RBFOX2: variants seen among roughly 807,000 people sequenced by gnomAD.
The protein encoded by RBFOX2 is RNA binding fox-1 homolog 2.
In RBFOX2, 10 loss-of-function variants were observed where a neutral mutation model predicts 49.1. The observed-to-expected ratio is 0.20, with a 90% CI of 0.13 to 0.35. RBFOX2 has a LOEUF of 0.35. RBFOX2 is among the 10% of genes least tolerant of loss of function. RBFOX2 has a pLI of 1.00. For synonymous variants in RBFOX2, 183 were observed against 187.4 expected (o/e 0.98, Z 0.19); for missense variants, 323 against 486.9 (o/e 0.66, Z 3.17).
At chr22:35,822,768 T>C (rs575266894) in intron 1 of RBFOX2, 3 of 417,848 alleles carry the variant, frequency 7.2e-6, no homozygotes, top group Non-Finnish European at 1.4e-5. Flanking sequence ...CCCCAAACAT[T>C]CTGATCAACT....
chr22:35,896,940 T>G (rs2047920227), intron 1 of RBFOX2, among the ~76,000 whole-genome samples: 1 of 152,206 alleles, frequency 6.6e-6, no homozygotes, highest in Non-Finnish European at 1.5e-5. Flanking sequence ...CTCTTTTACA[T>G]GTCCATAATC....
intron 1 of RBFOX2, among the ~76,000 whole-genome samples, chr22:35,956,154 A>T (rs188889230): frequency 5.8e-4 from 88 of 152,316 alleles, no homozygotes; most frequent in Non-Finnish European, 9.7e-4. Flanking sequence ...AGATCTTCCA[A>T]CTGTTGACAC....
intron 1 of RBFOX2, chr22:35,897,581 C>T (rs1397033672): frequency 1.0e-6 from 1 of 971,862 alleles, no homozygotes; most frequent in African/African-American, 1.6e-5. Context: ...TTCACCAGGT[C>T]AAAGAGGAGA....
chr22:35,937,628 T>C (rs996301526), intron 1 of RBFOX2, among the ~76,000 whole-genome samples: 4 of 152,220 alleles, frequency 2.6e-5, no homozygotes, highest in Non-Finnish European at 5.9e-5. Context: ...TCTCGCTCTA[T>C]CACTCAGGCT....
intron 1 of RBFOX2, among the ~76,000 whole-genome samples, chr22:35,816,645 T>G (rs1953119381): frequency 6.6e-6 from 1 of 152,214 alleles, no homozygotes; most frequent in African/African-American, 2.4e-5. Flanking sequence ...GCTTTTCACT[T>G]GGTTGTCTGG....
intron 1 of RBFOX2, among the ~76,000 whole-genome samples, chr22:35,857,871 C>CA (rs2042686306): frequency 6.6e-6 from 1 of 152,160 alleles, no homozygotes. Flanking sequence ...GTGTACTATT[C>CA]ACAAAAGCCA....
At chr22:35,933,656 A>G (rs2052676726) in intron 1 of RBFOX2, among the ~76,000 whole-genome samples, 1 of 152,212 alleles carries the variant, frequency 6.6e-6, no homozygotes, top group Non-Finnish European at 1.5e-5. Context: ...ATGAAACAAA[A>G]GTAAGTCTTC....
chr22:35,830,218 C>T (rs1469942295), intron 1 of RBFOX2, among the ~76,000 whole-genome samples: 1 of 152,112 alleles, frequency 6.6e-6, no homozygotes, highest in Non-Finnish European at 1.5e-5. Context: ...GTGATATAGT[C>T]CCAATCCTGA....
intron 1 of RBFOX2, among the ~76,000 whole-genome samples, chr22:35,990,371 C>T (rs900133389): frequency 6.6e-6 from 1 of 151,588 alleles, no homozygotes; most frequent in Non-Finnish European, 1.5e-5. Flanking sequence ...ACGACAAAGT[C>T]GAAACAAGAC....
chr22:35,769,619 A>G (rs1048995105), intron 4 of RBFOX2, among the ~76,000 whole-genome samples: 4 of 152,152 alleles, frequency 2.6e-5, no homozygotes, highest in South Asian at 4.1e-4. Flanking sequence ...TCATTTGCCA[A>G]TAACTTCATT....
intron 1 of RBFOX2, among the ~76,000 whole-genome samples, chr22:35,848,565 GCCTTTAGGCCCAAAATACCTAA>G (rs1424191515): frequency 6.6e-6 from 1 of 152,090 alleles, no homozygotes; most frequent in African/African-American, 2.4e-5. Context: ...AATAGCTTGG[GCCTTTAGGCCCAAAATACCTAA>G]TAAGATGTAC....
intron 1 of RBFOX2, among the ~76,000 whole-genome samples, chr22:36,007,785 TG>T (rs1474040589): frequency 6.6e-6 from 1 of 152,220 alleles, no homozygotes; most frequent in Non-Finnish European, 1.5e-5. Flanking sequence ...TACACTCTTC[TG>T]TACTTTGATT....
At chr22:35,845,666 T>A (rs1240074190) in intron 1 of RBFOX2, among the ~76,000 whole-genome samples, 1 of 152,184 alleles carries the variant, frequency 6.6e-6, no homozygotes, top group African/African-American at 2.4e-5. Flanking sequence ...AAATTATGTG[T>A]ACATTGTACA....
upstream of RBFOX2, among the ~76,000 whole-genome samples, chr22:35,842,338 T>TA (rs1481656972): frequency 6.6e-6 from 1 of 152,176 alleles, no homozygotes; most frequent in Non-Finnish European, 1.5e-5. Context: ...GTAATATAGA[T>TA]AAGTACTAGG....
intron 1 of RBFOX2, among the ~76,000 whole-genome samples, chr22:36,018,266 G>A (rs545405942): frequency 3.9e-5 from 6 of 152,284 alleles, no homozygotes; most frequent in South Asian, 4.1e-4. Context: ...ATGATGTCTT[G>A]GAAGACAGCA....
At chr22:35,913,859 G>C (rs972595138) in intron 1 of RBFOX2, among the ~76,000 whole-genome samples, 1 of 152,122 alleles carries the variant, frequency 6.6e-6, no homozygotes, top group African/African-American at 2.4e-5. Flanking sequence ...AGGGGAATGA[G>C]GAAGGGGTGG....
chr22:35,953,833 G>A (rs1569510024), intron 1 of RBFOX2, among the ~76,000 whole-genome samples: 1 of 152,014 alleles, frequency 6.6e-6, no homozygotes, highest in African/African-American at 2.4e-5. Flanking sequence ...ATATACTCTG[G>A]AAAACTGAAG....
chr22:35,750,051 A>T (rs1210423977), intron 9 of RBFOX2, among the ~76,000 whole-genome samples: 1 of 152,174 alleles, frequency 6.6e-6, no homozygotes, highest in Non-Finnish European at 1.5e-5. Context: ...TATTACGGAA[A>T]CAGTCAGTCA....
upstream of RBFOX2, among the ~76,000 whole-genome samples, chr22:35,940,366 T>C (rs1429888393): frequency 1.3e-5 from 2 of 152,158 alleles, no homozygotes; most frequent in Non-Finnish European, 2.9e-5. Context: ...ACATCATAAG[T>C]CATTATGCAA....
Sources: allele counts gnomAD v4.1 joint callset (sites outside exome capture counted in the v4.1 genomes callset), GRCh38; gene constraint gnomAD v4.1.1; transcripts MANE v1.5; gene names NCBI Gene and HGNC (gene_info 2026-07-23, HGNC 2026-07-21).